The following GYPB variants were observed in gnomAD, a reference collection of about 807,000 sequenced individuals.
GYPB encodes glycophorin-B.
Under a neutral mutation model 15.3 loss-of-function variants are expected in GYPB, and 13 were observed. The ratio of observed to expected loss-of-function variants is 0.85; its 90% CI spans 0.55 to 1.35. GYPB has a LOEUF of 1.35. Ranked by LOEUF, GYPB falls within the 40% of genes most tolerant of loss-of-function variation. The pLI is 0.00. For synonymous variants in GYPB, 38 were observed against 36.9 expected (o/e 1.03, Z -0.11); for missense variants, 131 against 108.3 (o/e 1.21, Z -0.93).
chr4:143,997,386 A>C, intron 4 of GYPB, 154 bp downstream of exon 4: 2 of 526,840 alleles, frequency 3.8e-6, no homozygotes, highest in Non-Finnish European at 6.9e-6. Flanking sequence ...AAATTCTGCT[A>C]GAGAAACACA....
intron 1 of GYPB, among the ~76,000 whole-genome samples, chr4:144,013,764 T>A (rs1728342259): frequency 9.5e-6 from 1 of 105,562 alleles, no homozygotes; most frequent in Non-Finnish European, 1.8e-5. Context: ...CTCTGGGGAC[T>A]GCTGTGGGGT....
intron 1 of GYPB, among the ~76,000 whole-genome samples, chr4:144,005,961 G>A (rs1422617766): frequency 5.3e-5 from 8 of 151,506 alleles, no homozygotes; most frequent in Admixed American, 4.6e-4. Flanking sequence ...GGAGGCTTAG[G>A]TCACCTAGCA....
At chr4:143,996,631 A>AT (rs1727325727) in intron 4 of GYPB, among the ~76,000 whole-genome samples, 1 of 150,504 alleles carries the variant, frequency 6.6e-6, no homozygotes, top group African/African-American at 2.5e-5. Flanking sequence ...TTAGTCAGGC[A>AT]TGGTAGCCCG....
At chr4:144,019,179 A>G in intron 1 of GYPB, 72 bp downstream of exon 1, 1 of 1,606,120 alleles carries the variant, frequency 6.2e-7, no homozygotes. Context: ...GAACTGAAAT[A>G]GGGTAGTTCA....
intron 1 of GYPB, among the ~76,000 whole-genome samples, chr4:144,017,986 AG>A (rs1728593647): frequency 1.3e-5 from 2 of 151,224 alleles, no homozygotes; most frequent in African/African-American, 4.9e-5. Context: ...TCACATACGT[AG>A]GTTTGTTCCC....
chr4:143,998,410 A>C (rs1727435938), intron 3 of GYPB, among the ~76,000 whole-genome samples: 1 of 151,424 alleles, frequency 6.6e-6, no homozygotes, highest in Non-Finnish European at 1.5e-5. Flanking sequence ...TTAATATTTA[A>C]ATTATTCACA....
rs185025688 is a variant in GYPB at position 144,002,736 on chromosome 4, C to G, written c.38-1453G>C. On this transcript the variant is annotated intron_variant, in intron 1 of 4. Coordinates refer to ENST00000502664, the MANE Select transcript of GYPB (RefSeq NM_002100.6). ...TAACAGAAAACATCTTCTCTGACAC[C>G]TCTCATTAGTCTACTCAAGGGAAGA... 17 of 1,270,966 alleles carry G rather than the reference C, an allele frequency of 1.3e-5. 1 individual carries two copies. In the Admixed American group the frequency reaches 1.4e-4, roughly 10 times the overall value. The allele number at this position is 1,270,966 out of a possible 1,614,324, so 78.7% of individuals were successfully genotyped here.
chr4:144,001,527 G>T (rs1233346626), intron 1 of GYPB, among the ~76,000 whole-genome samples: 1 of 151,428 alleles, frequency 6.6e-6, no homozygotes, highest in Non-Finnish European at 1.5e-5. Flanking sequence ...TACAGATAAA[G>T]TGTGCCTTGG....
In GYPB at chr4:143,996,210, G is replaced by A; in HGVS notation, c.*89C>T. 4.5e-6 allele frequency: 7 copies of A among 1,549,116 alleles called. No homozygotes were observed. The highest frequency in any genetic ancestry group is 3.5e-6 in the Non-Finnish European group (4 of 1,146,276). On this transcript the variant is annotated 3_prime_UTR_variant, in exon 5 of 5. Transcript: ENST00000502664. ...GCCAGGGGTAGGGGCATAAGCAAAG[G>A]AATAGCAGGTGCAGCCAGTTTGCAT...
intron 1 of GYPB, chr4:144,008,373 T>C (rs1169704513): frequency 2.2e-6 from 1 of 455,126 alleles, no homozygotes; most frequent in African/African-American, 2.0e-5. Context: ...AATGAAGAGA[T>C]ATAAAGATAA....
chr4:144,015,350 T>C, intron 1 of GYPB, among the ~76,000 whole-genome samples: 1 of 151,380 alleles, frequency 6.6e-6, no homozygotes, highest in South Asian at 2.1e-4. Flanking sequence ...AGGTACTTAC[T>C]AAAGATGTGG....
chr4:143,996,657 T>C (rs6840234), intron 4 of GYPB, among the ~76,000 whole-genome samples: 103,840 of 149,368 alleles, frequency 0.7, 36,851 homozygotes, highest in East Asian at 0.95. Flanking sequence ...GTAGTCCCAA[T>C]TACTGTGGAG....
At chr4:144,013,268 A>G (rs1419286063) in intron 1 of GYPB, among the ~76,000 whole-genome samples, 3 of 150,972 alleles carry the variant, frequency 2.0e-5, no homozygotes, top group Non-Finnish European at 4.4e-5. Flanking sequence ...GTCAGGAAAC[A>G]ACAGGTGCTG....
At chr4:144,006,380 A>T (rs71620704) in intron 1 of GYPB, among the ~76,000 whole-genome samples, 1,077 of 151,350 alleles carry the variant, frequency 7.1e-3, no homozygotes, top group Non-Finnish European at 0.012. Flanking sequence ...CATTGTACCA[A>T]GGAGGTGGGG....
At chr4:144,012,744 G>T (rs1389524800) in intron 1 of GYPB, 1 of 151,438 alleles carries the variant, frequency 6.6e-6, no homozygotes, top group Non-Finnish European at 1.5e-5. Flanking sequence ...AACAAATGGT[G>T]CTGGGACAAC....
chr4:144,014,200 G>A (rs1391705373), intron 1 of GYPB, among the ~76,000 whole-genome samples: 4 of 151,870 alleles, frequency 2.6e-5, no homozygotes, highest in Admixed American at 1.3e-4. Context: ...CAGTTCCTTA[G>A]TAAGTTAAAC....
At chr4:144,012,911 TATG>T (rs1249146339) in intron 1 of GYPB, among the ~76,000 whole-genome samples, 1 of 151,700 alleles carries the variant, frequency 6.6e-6, no homozygotes, top group African/African-American at 2.4e-5. Context: ...TATTTTTAGA[TATG>T]ATATCAAAAG....
At chr4:144,019,050 G>A (rs1728651114) in intron 1 of GYPB, among the ~76,000 whole-genome samples, 1 of 151,120 alleles carries the variant, frequency 6.6e-6, no homozygotes, top group Non-Finnish European at 1.5e-5. Flanking sequence ...AACTGGATTC[G>A]GCCATAAATA....
At position 144,002,702 on chromosome 4, in the gene GYPB, G is replaced by A. The variant is rs1053756074; in HGVS notation, c.38-1419C>T. 9 of 1,286,146 alleles carry A rather than the reference G, an allele frequency of 7.0e-6. No homozygotes were observed. In the African/African-American group the frequency reaches 7.7e-5, roughly 11 times the overall value. 79.7% of individuals were successfully genotyped at this position (1,286,146 alleles called of 1,614,324 possible). ...CTGAATGCTCAAAGTTTCCTGGAGA[G>A]CACACAAATAACAGAAAACATCTTC... On this transcript the variant is annotated intron_variant, in intron 1 of 4. Coordinates refer to ENST00000502664, the MANE Select transcript of GYPB (RefSeq NM_002100.6).
Sources: allele counts gnomAD v4.1 joint callset (sites outside exome capture counted in the v4.1 genomes callset), GRCh38; gene constraint gnomAD v4.1.1; transcripts MANE v1.5; gene names NCBI Gene and HGNC (gene_info 2026-07-23, HGNC 2026-07-21).